The following CRISP3 variants were observed in gnomAD, a reference collection of about 807,000 sequenced individuals.
The protein encoded by CRISP3 is cysteine-rich secretory protein 3.
A neutral mutation model predicts 36.1 loss-of-function variants in CRISP3; 33 were observed. The observed-to-expected ratio is 0.91, with a 90% CI of 0.69 to 1.22. The LOEUF is 1.22. CRISP3 is among the 50% of genes most tolerant of loss of function. CRISP3 has a pLI of 0.00. For synonymous variants in CRISP3, 117 were observed against 104.6 expected, an observed-to-expected ratio of 1.12 and a Z score of -0.72; for missense variants, 330 against 301.2, an observed-to-expected ratio of 1.10 and a Z score of -0.71.
intron 1 of CRISP3, among the ~76,000 whole-genome samples, chr6:49,739,454 A>C (rs550003337): frequency 6.6e-6 from 1 of 152,130 alleles, no homozygotes; most frequent in South Asian, 2.1e-4. Flanking sequence ...GAATTTTCTC[A>C]TGTGTGCAAA....
chr6:49,731,284 T>G (rs1768910960), intron 6 of CRISP3, 33 bp from the exon 7 acceptor site: 1 of 1,437,728 alleles, frequency 7.0e-7, no homozygotes, highest in Admixed American at 1.8e-5. Context: ...CAAATATTTT[T>G]CATTTTTATG....
In CRISP3 at chr6:49,736,521, A is replaced by G; in HGVS notation, c.112-14T>C. The G allele has an allele frequency of 3.9e-6, 6 of 1,532,714 alleles. No homozygotes were observed. The highest frequency in any genetic ancestry group is 5.4e-6 in the Non-Finnish European group (6 of 1,106,080). 94.9% of individuals were successfully genotyped at this position (1,532,714 alleles called of 1,614,324 possible). On this transcript the variant is annotated splice_polypyrimidine_tract_variant and intron_variant, in intron 2 of 7. Transcript: ENST00000263045. Reference sequence around the variant, plus strand: ...AAAAGCGGGATCCTAAGGGAAAATAAAATTACAATTATCTTTTAACATTGT... The same window carrying G: ...AAAAGCGGGATCCTAAGGGAAAATAGAATTACAATTATCTTTTAACATTGT...
At chr6:49,733,665 A>T in intron 5 of CRISP3, 38 bp downstream of exon 5, 3 of 1,543,272 alleles carry the variant, frequency 1.9e-6, no homozygotes, top group Non-Finnish European at 2.6e-6. Flanking sequence ...TTTTTAGGGC[A>T]CTTATAAAGG....
At chr6:49,729,195 AAATT>A (rs1278284627) in intron 7 of CRISP3, among the ~76,000 whole-genome samples, 8 of 152,122 alleles carry the variant, frequency 5.3e-5, no homozygotes, top group African/African-American at 1.7e-4. Context: ...GTTTAAACTT[AAATT>A]AATTAAAATT....
chr6:49,733,912 A>G (rs1187713466), intron 4 of CRISP3, 64 bp from the exon 5 acceptor site: 18 of 1,282,178 alleles, frequency 1.4e-5, no homozygotes, highest in Middle Eastern at 1.9e-4. Context: ...ATACACACAA[A>G]CACACACACA....
chr6:49,742,911 C>T (rs1444720388), intron 1 of CRISP3, among the ~76,000 whole-genome samples: 1 of 152,168 alleles, frequency 6.6e-6, no homozygotes, highest in Non-Finnish European at 1.5e-5. Context: ...AGCATTAACA[C>T]ATGTGAGTAT....
chr6:49,736,701 T>C (rs1056475937), intron 2 of CRISP3, among the ~76,000 whole-genome samples, 194 bp from the exon 3 acceptor site: 3 of 152,220 alleles, frequency 2.0e-5, no homozygotes, highest in Non-Finnish European at 4.4e-5. Flanking sequence ...AATGGGGATA[T>C]AATTCATGGC....
At position 49,728,964 on chromosome 6, in the gene CRISP3, A is replaced by G. The variant is rs1186601086; in HGVS notation, c.650-107T>C. 7 of 1,059,652 alleles carry G rather than the reference A, an allele frequency of 6.6e-6. No individual in the cohort carries two copies. The East Asian group carries it at 1.5e-4, about 23-fold the overall frequency. 65.6% of individuals were successfully genotyped at this position (1,059,652 alleles called of 1,614,324 possible). The stretch of plus-strand genomic sequence containing the variant: ...CGGAGAGTAGGGAAGTGAGCAAACA[A>G]GTTGAGATTATTACACTAAGATGGC... On this transcript the variant is annotated intron_variant, in intron 7 of 7. Transcript: ENST00000263045.
chr6:49,729,007 G>A, intron 7 of CRISP3, 150 bp from the exon 8 acceptor site: 2 of 605,682 alleles, frequency 3.3e-6, no homozygotes, highest in South Asian at 2.8e-5. Flanking sequence ...TATCTTGAGG[G>A]ACACATAAGG....
chr6:49,739,931 T>C (rs759971190), intron 1 of CRISP3, among the ~76,000 whole-genome samples: 1 of 152,198 alleles, frequency 6.6e-6, no homozygotes. Context: ...AGTCCTACCT[T>C]TTATATGGTT....
intron 6 of CRISP3, 78 bp downstream of exon 6, chr6:49,733,117 A>G (rs1768955098): frequency 1.2e-6 from 1 of 819,084 alleles, no homozygotes; most frequent in Non-Finnish European, 1.8e-6. Flanking sequence ...TTACTTAAAT[A>G]TGCTTTTTAG....
rs971780007 is a variant in CRISP3 at position 49,728,486 on chromosome 6, T to A, written c.*244A>T. 69 of 289,908 alleles carry A rather than the reference T, an allele frequency of 2.4e-4. No homozygotes were observed. The highest frequency in any genetic ancestry group is 3.4e-4 in the Non-Finnish European group (55 of 159,478). 18.0% of individuals were successfully genotyped at this position (289,908 alleles called of 1,614,324 possible). ...CCTAATTAAATTCAGTAAATTTAAA[T>A]CACAAAGTTTATATATAAAAATCCA... On this transcript the variant is annotated 3_prime_UTR_variant, in exon 8 of 8. Transcript: ENST00000263045.
chr6:49,735,664 G>C, intron 3 of CRISP3, 73 bp from the exon 4 acceptor site: 1 of 1,097,548 alleles, frequency 9.1e-7, no homozygotes, highest in Non-Finnish European at 1.3e-6. Flanking sequence ...TTATAATCAG[G>C]TTATAGGTTG....
At position 49,744,385 on chromosome 6, in the gene CRISP3, G is replaced by T; in HGVS notation, c.-18C>A. The T allele has an allele frequency of 6.5e-7, 1 of 1,531,900 alleles. No homozygotes were observed. Among genetic ancestry groups the T allele is most frequent in the Non-Finnish European group, 8.7e-7 (1 of 1,144,288 alleles). The allele number at this position is 1,531,900 out of a possible 1,614,324, so 94.9% of individuals were successfully genotyped here. On this transcript the variant is annotated 5_prime_UTR_variant, in exon 1 of 8. Coordinates refer to ENST00000263045, the MANE Select transcript of CRISP3 (RefSeq NM_006061.4). ...TGTTTCATCTATTGACAGAAGGAAG[G>T]TGCAGAGAGAGAAGGTTAGAGCCGT...
chr6:49,731,077 A>T, intron 7 of CRISP3, 86 bp downstream of exon 7: 1 of 954,154 alleles, frequency 1.0e-6, no homozygotes, highest in Non-Finnish European at 1.6e-6. Context: ...GGCATTGCTT[A>T]AGTTGGTTGT....
At chr6:49,732,536 A>G (rs948571066) in intron 6 of CRISP3, among the ~76,000 whole-genome samples, 2 of 152,190 alleles carry the variant, frequency 1.3e-5, no homozygotes, top group African/African-American at 2.4e-5. Flanking sequence ...GAGAAAAAAA[A>G]GTGGACTTTC....
intron 2 of CRISP3, 97 bp downstream of exon 2, chr6:49,737,228 A>T: frequency 2.3e-6 from 2 of 880,450 alleles, no homozygotes; most frequent in Admixed American, 3.9e-5. Flanking sequence ...GATGTACCAG[A>T]CACTCTAGAC....
At chr6:49,732,195 C>A (rs767186067) in intron 6 of CRISP3, among the ~76,000 whole-genome samples, 6 of 152,200 alleles carry the variant, frequency 3.9e-5, no homozygotes, top group Non-Finnish European at 5.9e-5. Context: ...CCAACTCTCA[C>A]TTCAGATGCT....
At chr6:49,741,137 CAAAAAAAAACCACCAAA>C (rs1769190809) in intron 1 of CRISP3, among the ~76,000 whole-genome samples, 1 of 99,258 alleles carries the variant, frequency 1.0e-5, no homozygotes, top group African/African-American at 4.0e-5. Context: ...AAAAAACAAA[CAAAAAAAAACCACCAAA>C]AAAAAAAAAA....
Sources: allele counts gnomAD v4.1 joint callset (sites outside exome capture counted in the v4.1 genomes callset), GRCh38; gene constraint gnomAD v4.1.1; transcripts MANE v1.5; gene names NCBI Gene and HGNC (gene_info 2026-07-23, HGNC 2026-07-21).